CPA6: variants seen among roughly 807,000 people sequenced by gnomAD.
The protein encoded by CPA6 is carboxypeptidase A6, also known as carboxypeptidase B.
A neutral mutation model predicts 63.3 loss-of-function variants in CPA6; 58 were observed. The observed-to-expected ratio is 0.92, with a 90% CI of 0.74 to 1.14. The LOEUF (loss-of-function observed/expected upper bound fraction) is 1.14, where lower values mean the gene tolerates loss of function less well. Ranked by LOEUF, CPA6 falls within the 50% of genes most tolerant of loss-of-function variation. The pLI, the probability that CPA6 is intolerant of heterozygous loss-of-function variation, is 0.00. For missense variants in CPA6, 565 were observed against 526.6 expected (o/e 1.07, Z -0.71); for synonymous variants, 185 against 179.0 (o/e 1.03, Z -0.27).
intron 6 of CPA6, among the ~76,000 whole-genome samples, chr8:67,502,034 C>T (rs1811839215): frequency 6.6e-6 from 1 of 152,158 alleles, no homozygotes; most frequent in Non-Finnish European, 1.5e-5. Flanking sequence ...TAGAATTATT[C>T]CCAGTATTCC....
At position 67,549,564 on chromosome 8, in the gene CPA6, T is replaced by C. The variant is rs192198152; in HGVS notation, c.193-31517A>G. On this transcript the variant is annotated intron_variant, in intron 2 of 10. Coordinates refer to ENST00000297770, the MANE Select transcript of CPA6 (RefSeq NM_020361.5). ...GTATCACTAACTATAGGCCCTATGC[T>C]ATATGGTAGATCCCTAGGACTTATT... is the stretch of plus-strand genomic sequence containing the variant. Among the ~76,000 whole-genome samples the C allele has an allele frequency of 3.3e-5, 5 of 152,364 alleles. No homozygotes were observed. The East Asian group carries it at 9.7e-4, about 29-fold the overall frequency.
chr8:67,626,553 G>A (rs1815198582), intron 1 of CPA6, among the ~76,000 whole-genome samples: 1 of 152,076 alleles, frequency 6.6e-6, no homozygotes. Flanking sequence ...AGAAAGTACC[G>A]GGAAAAAATT....
At chr8:67,645,803 C>T (rs981596127) in intron 1 of CPA6, among the ~76,000 whole-genome samples, 3 of 152,144 alleles carry the variant, frequency 2.0e-5, no homozygotes, top group Non-Finnish European at 2.9e-5. Flanking sequence ...ATAAGGGATA[C>T]ATTATTTTCC....
chr8:67,662,429 T>G (rs912825916), intron 1 of CPA6, among the ~76,000 whole-genome samples: 1 of 145,026 alleles, frequency 6.9e-6, no homozygotes, highest in African/African-American at 2.5e-5. Flanking sequence ...ATATATAGAA[T>G]ACATACACAC....
intron 2 of CPA6, among the ~76,000 whole-genome samples, chr8:67,524,934 T>G (rs1468906789): frequency 6.6e-6 from 1 of 152,206 alleles, no homozygotes; most frequent in Non-Finnish European, 1.5e-5. Context: ...TACATTTAGG[T>G]ATAATCCTAG....
intron 1 of CPA6, among the ~76,000 whole-genome samples, chr8:67,734,141 G>A (rs1817769658): frequency 6.6e-6 from 1 of 151,644 alleles, no homozygotes; most frequent in Non-Finnish European, 1.5e-5. Context: ...GCCTCTCAAA[G>A]TACTGGGATT....
chr8:67,530,077 T>G (rs185239861), intron 2 of CPA6, among the ~76,000 whole-genome samples: 1 of 152,136 alleles, frequency 6.6e-6, no homozygotes, highest in Non-Finnish European at 1.5e-5. Flanking sequence ...AGAGGATATG[T>G]TCAAGAAACA....
At chr8:67,704,515 G>A (rs1817091983) in intron 1 of CPA6, among the ~76,000 whole-genome samples, 1 of 152,200 alleles carries the variant, frequency 6.6e-6, no homozygotes, top group East Asian at 1.9e-4. Context: ...AGAATAAAAA[G>A]TTCCCATAGG....
At chr8:67,707,661 C>G (rs911055386) in intron 1 of CPA6, among the ~76,000 whole-genome samples, 18 of 152,108 alleles carry the variant, frequency 1.2e-4, no homozygotes, top group African/African-American at 4.3e-4. Context: ...GTAATCCCAG[C>G]AATTTGGGAG....
At chr8:67,667,919 G>A (rs1034273557) in intron 1 of CPA6, among the ~76,000 whole-genome samples, 6 of 152,228 alleles carry the variant, frequency 3.9e-5, no homozygotes, top group South Asian at 4.1e-4. Context: ...CTGGGCAAAA[G>A]CGAGCTTCTC....
At chr8:67,651,236 T>C (rs1815829582) in intron 1 of CPA6, among the ~76,000 whole-genome samples, 1 of 152,208 alleles carries the variant, frequency 6.6e-6, no homozygotes, top group African/African-American at 2.4e-5. Flanking sequence ...ATAAAATTTA[T>C]GTGTTGTAGG....
At chr8:67,589,969 A>T (rs575636085) in intron 2 of CPA6, among the ~76,000 whole-genome samples, 79 of 151,850 alleles carry the variant, frequency 5.2e-4, no homozygotes, top group Middle Eastern at 3.4e-3. Flanking sequence ...TACATGTGCC[A>T]TGCTGGTGTG....
In CPA6 at chr8:67,529,737, T is replaced by C. The variant is rs112690492; in HGVS notation, c.193-11690A>G. ...AGGGATATACACTCCAGGTAGGAAA[T>C]TGGAGAAAATACCTCCCCTCAAAGA... On this transcript the variant is annotated intron_variant, in intron 2 of 10. Coordinates refer to ENST00000297770, the MANE Select transcript of CPA6 (RefSeq NM_020361.5). Among the ~76,000 whole-genome samples the C allele has an allele frequency of 8.7e-3, 1,319 of 152,110 alleles. 18 individuals are homozygous for C. The highest frequency in any genetic ancestry group is 0.027 in the African/African-American group (1,112 of 41,500).
chr8:67,480,170 A>G (rs1811328036), intron 8 of CPA6, among the ~76,000 whole-genome samples: 1 of 152,214 alleles, frequency 6.6e-6, no homozygotes, highest in South Asian at 2.1e-4. Flanking sequence ...AGAAACAAAA[A>G]TATTTTTATA....
At chr8:67,656,766 G>C (rs1257677393) in intron 1 of CPA6, among the ~76,000 whole-genome samples, 1 of 152,188 alleles carries the variant, frequency 6.6e-6, no homozygotes, top group African/African-American at 2.4e-5. Flanking sequence ...ATCTGTATGG[G>C]CCTACAACCC....
intron 2 of CPA6, among the ~76,000 whole-genome samples, chr8:67,612,919 C>A (rs1352565924): frequency 6.6e-6 from 1 of 152,190 alleles, no homozygotes; most frequent in East Asian, 1.9e-4. Context: ...CAAATTGACT[C>A]CAAGGCAGAG....
chr8:67,618,083 C>T (rs1318453991), intron 2 of CPA6, among the ~76,000 whole-genome samples: 2 of 152,200 alleles, frequency 1.3e-5, no homozygotes, highest in East Asian at 3.8e-4. Context: ...CTAATTACAT[C>T]TGCAATCCTT....
intron 1 of CPA6, among the ~76,000 whole-genome samples, chr8:67,682,191 G>A (rs1167802039): frequency 3.3e-5 from 5 of 151,382 alleles, no homozygotes; most frequent in Non-Finnish European, 7.4e-5. Flanking sequence ...GATTTAATTT[G>A]TAGAGTTTCT....
chr8:67,528,398 G>A lies in CPA6; in HGVS notation c.193-10351C>T, dbSNP rs952564279. 6.6e-5 allele frequency among the ~76,000 whole-genome samples: 10 copies of A among 152,120 alleles called. No individual in the cohort carries two copies. The East Asian group carries it at 1.2e-3, about 18-fold the overall frequency. ...GAGAGAATGGACTGGGAATGTTGGC[G>A]TTTACCTGAGCCCTGTGATCCTAAA... On this transcript the variant is annotated intron_variant, in intron 2 of 10. Transcript: ENST00000297770.
Sources: gnomAD v4.1 joint callset for allele counts (sites outside exome capture counted in the v4.1 genomes callset) on GRCh38, gnomAD v4.1.1 for gene constraint, MANE v1.5 for transcripts, NCBI Gene and HGNC (gene_info 2026-07-23, HGNC 2026-07-21) for gene names.